Variants in ATRNL1 observed in about 807,000 individuals in gnomAD.
The protein encoded by ATRNL1 is attractin-like protein 1.
Under a neutral mutation model 182.7 loss-of-function variants are expected in ATRNL1, and 95 were observed. The ratio of observed to expected loss-of-function variants is 0.52; its 90% CI spans 0.44 to 0.62. The LOEUF (loss-of-function observed/expected upper bound fraction) is 0.62, where lower values mean the gene tolerates loss of function less well. ATRNL1 is among the 20% of genes least tolerant of loss of function. The pLI, the probability that ATRNL1 is intolerant of heterozygous loss-of-function variation, is 0.00. For synonymous variants in ATRNL1, 576 were observed against 568.3 expected, an observed-to-expected ratio of 1.01 and a Z score of -0.19; for missense variants, 1,471 against 1,679.5, an observed-to-expected ratio of 0.88 and a Z score of 2.17.
chr10:115,466,686 A>G (rs1848066981), intron 22 of ATRNL1, among the ~76,000 whole-genome samples: 1 of 151,160 alleles, frequency 6.6e-6, no homozygotes, highest in South Asian at 2.1e-4. Context: ...TTTACCTGAA[A>G]GTTTTAGGTT....
At chr10:115,628,017 T>C (rs959844315) in intron 26 of ATRNL1, among the ~76,000 whole-genome samples, 1 of 151,754 alleles carries the variant, frequency 6.6e-6, no homozygotes, top group Non-Finnish European at 1.5e-5. Context: ...CATGGTGGTG[T>C]GCACCTGTAA....
intron 26 of ATRNL1, among the ~76,000 whole-genome samples, chr10:115,634,714 G>A (rs1230742978): frequency 6.6e-6 from 1 of 151,850 alleles, no homozygotes; most frequent in Non-Finnish European, 1.5e-5. Context: ...TTTTTTACTG[G>A]ATAAAAATAA....
At chr10:115,792,785 AATT>A (rs1157650745) in intron 27 of ATRNL1, among the ~76,000 whole-genome samples, 2 of 151,994 alleles carry the variant, frequency 1.3e-5, no homozygotes, top group Non-Finnish European at 2.9e-5. Context: ...TGATAGCTAA[AATT>A]ATTATATCCT....
intron 13 of ATRNL1, among the ~76,000 whole-genome samples, chr10:115,268,948 G>A (rs1851722928): frequency 6.6e-6 from 1 of 152,074 alleles, no homozygotes. Context: ...TGTCTCACAG[G>A]GGACATTTTG....
At chr10:115,611,259 A>G (rs1021181263) in intron 26 of ATRNL1, among the ~76,000 whole-genome samples, 1 of 152,222 alleles carries the variant, frequency 6.6e-6, no homozygotes, top group South Asian at 2.1e-4. Flanking sequence ...CTAATGTGCA[A>G]TCCTTAATTA....
chr10:115,210,523 T>C (rs1349662810), intron 8 of ATRNL1, among the ~76,000 whole-genome samples: 1 of 151,982 alleles, frequency 6.6e-6, no homozygotes, highest in Non-Finnish European at 1.5e-5. Flanking sequence ...TGTTCTCCAT[T>C]TTATAATTTT....
chr10:115,453,841 A>C, intron 21 of ATRNL1, among the ~76,000 whole-genome samples: 1 of 151,612 alleles, frequency 6.6e-6, no homozygotes. Context: ...AGATATACCT[A>C]ATGCTAAATG....
intron 24 of ATRNL1, among the ~76,000 whole-genome samples, chr10:115,481,775 T>C (rs1359922435): frequency 2.0e-5 from 3 of 150,918 alleles, no homozygotes; most frequent in African/African-American, 4.8e-5. Flanking sequence ...GTTTTAGCTC[T>C]AGACACGCTT....
intron 9 of ATRNL1, among the ~76,000 whole-genome samples, chr10:115,225,385 C>T (rs1459225673): frequency 6.6e-6 from 1 of 150,980 alleles, no homozygotes; most frequent in Non-Finnish European, 1.5e-5. Flanking sequence ...AAAGCTTTCC[C>T]TCTAAGATTG....
intron 27 of ATRNL1, among the ~76,000 whole-genome samples, chr10:115,844,858 T>C (rs1950892969): frequency 6.6e-6 from 1 of 152,086 alleles, no homozygotes; most frequent in South Asian, 2.1e-4. Context: ...CACAGCTCAG[T>C]GAACATGTTA....
In ATRNL1 at chr10:115,315,673, GTTC is replaced by G. The variant is rs1854265963; in HGVS notation, c.2977_2979del (p.Leu993del). 6.2e-7 allele frequency: 1 copy of G among 1,613,738 alleles called. No individual in the cohort carries two copies. The highest frequency in any genetic ancestry group is 8.5e-7 in the Non-Finnish European group (1 of 1,179,924). ...TATTGGAATGCACCACAGTGAGATG[GTTC>G]TTGACACCAATCTTTGCCCCAAAGA... On this transcript the variant is annotated inframe_deletion, in exon 18 of 29. Coordinates refer to ENST00000355044, the MANE Select transcript of ATRNL1 (RefSeq NM_207303.4).
intron 27 of ATRNL1, among the ~76,000 whole-genome samples, chr10:115,743,968 A>T (rs1296390656): frequency 6.8e-6 from 1 of 147,864 alleles, no homozygotes; most frequent in African/African-American, 2.5e-5. Context: ...TTATTCTAGG[A>T]GTAAATATAA....
At chr10:115,575,631 A>G (rs1209856174) in intron 26 of ATRNL1, among the ~76,000 whole-genome samples, 1 of 151,994 alleles carries the variant, frequency 6.6e-6, no homozygotes, top group East Asian at 1.9e-4. Context: ...TTTTGCAAAT[A>G]TTCTTTTTTA....
At chr10:115,481,869 TTAAG>T (rs2134616893) in intron 24 of ATRNL1, among the ~76,000 whole-genome samples, 1 of 151,116 alleles carries the variant, frequency 6.6e-6, no homozygotes, top group Non-Finnish European at 1.5e-5. Flanking sequence ...GCAATTACAA[TTAAG>T]TATTACCTCT....
At chr10:115,476,895 T>G (rs923169601) in intron 24 of ATRNL1, among the ~76,000 whole-genome samples, 30 of 151,514 alleles carry the variant, frequency 2.0e-4, no homozygotes, top group African/African-American at 7.0e-4. Flanking sequence ...TTATATTTAT[T>G]GCTTCACTTA....
At chr10:115,592,255 A>G (rs1555012478) in intron 26 of ATRNL1, among the ~76,000 whole-genome samples, 1 of 152,148 alleles carries the variant, frequency 6.6e-6, no homozygotes, top group African/African-American at 2.4e-5. Flanking sequence ...AGTATACCCC[A>G]AACCTTAGCA....
intron 15 of ATRNL1, among the ~76,000 whole-genome samples, chr10:115,296,149 G>C (rs1853173880): frequency 6.6e-6 from 1 of 152,114 alleles, no homozygotes; most frequent in African/African-American, 2.4e-5. Flanking sequence ...GGGCTGGTGG[G>C]GATCTTCTCC....
chr10:115,682,573 T>C (rs1343937157), intron 26 of ATRNL1, among the ~76,000 whole-genome samples: 1 of 152,002 alleles, frequency 6.6e-6, no homozygotes, highest in Non-Finnish European at 1.5e-5. Context: ...AAAAGGAATA[T>C]GTACTTGATA....
intron 24 of ATRNL1, among the ~76,000 whole-genome samples, chr10:115,481,966 A>G (rs4274144): frequency 0.032 from 4,786 of 151,054 alleles, 248 homozygotes; most frequent in African/African-American, 0.11. Context: ...TATGAGTACT[A>G]TATTTTGGGT....
Sources: gnomAD v4.1 joint callset for allele counts (sites outside exome capture counted in the v4.1 genomes callset) on GRCh38, gnomAD v4.1.1 for gene constraint, MANE v1.5 for transcripts, NCBI Gene and HGNC (gene_info 2026-07-23, HGNC 2026-07-21) for gene names.